The following SLAIN1 variants were observed in gnomAD, a reference collection of about 807,000 sequenced individuals.
The protein encoded by SLAIN1 is SLAIN motif-containing protein 1.
A neutral mutation model predicts 55.4 loss-of-function variants in SLAIN1; 17 were observed. The observed-to-expected ratio is 0.31, with a 90% CI of 0.21 to 0.46. The LOEUF (loss-of-function observed/expected upper bound fraction) is 0.46. Ranked by LOEUF, SLAIN1 falls within the 20% of genes least tolerant of loss-of-function variation. The probability of loss-of-function intolerance (pLI) is 1.00; values close to 1 mark genes in which losing one functional copy is unlikely to be tolerated. For synonymous variants in SLAIN1, 348 were observed against 337.4 expected (o/e 1.03, Z -0.35); for missense variants, 682 against 785.1 (o/e 0.87, Z 1.57).
intron 2 of SLAIN1, chr13:77,743,004 C>G (rs1345084320): frequency 2.0e-5 from 26 of 1,278,376 alleles, no homozygotes; most frequent in Non-Finnish European, 2.7e-5. Flanking sequence ...CTATTTTCTG[C>G]TTCTGTGACA....
At chr13:77,748,476 C>T (rs1873994458) in intron 4 of SLAIN1, among the ~76,000 whole-genome samples, 2 of 134,098 alleles carry the variant, frequency 1.5e-5, no homozygotes, top group Admixed American at 1.7e-4. Flanking sequence ...GATGCTAGCT[C>T]TGCATCTTGA....
Position 77,753,468 on chromosome 13 carries a change from A to G in SLAIN1, c.1414+110A>G, listed in dbSNP as rs573920568. On this transcript the variant is annotated intron_variant, in intron 5 of 6. Transcript: ENST00000418532. ...TATTTCTTTGTATTTACTTGAAAGAACACTAAACTTTTTTCCTTGCCGTGT... is the reference window on the plus strand; with the variant it reads ...TATTTCTTTGTATTTACTTGAAAGAGCACTAAACTTTTTTCCTTGCCGTGT... 1.2e-5 allele frequency: 7 copies of G among 605,308 alleles called. 1 individual carries two copies. In the South Asian group the frequency reaches 5.6e-4, roughly 48 times the overall value. 37.5% of individuals were successfully genotyped at this position (605,308 alleles called of 1,614,324 possible).
chr13:77,722,751 A>T (rs1313871389), intron 2 of SLAIN1, among the ~76,000 whole-genome samples: 1 of 151,974 alleles, frequency 6.6e-6, no homozygotes, highest in African/African-American at 2.4e-5. Flanking sequence ...TTTTCCATCT[A>T]ACTTTTTTGT....
At chr13:77,708,004 A>G (rs2091107406) in intron 1 of SLAIN1, among the ~76,000 whole-genome samples, 1 of 152,200 alleles carries the variant, frequency 6.6e-6, no homozygotes, top group Non-Finnish European at 1.5e-5. Flanking sequence ...TTTTAGTGCC[A>G]TGATCATCCC....
intron 1 of SLAIN1, among the ~76,000 whole-genome samples, chr13:77,705,886 C>A (rs2091084522): frequency 6.6e-6 from 1 of 151,950 alleles, no homozygotes; most frequent in African/African-American, 2.4e-5. Context: ...TAGGCCAAGT[C>A]ATAGAAACAC....
chr13:77,701,519 T>TA (rs557274740), intron 1 of SLAIN1, among the ~76,000 whole-genome samples: 17 of 151,818 alleles, frequency 1.1e-4, no homozygotes, highest in African/African-American at 2.2e-4. Flanking sequence ...AGTAGTATCT[T>TA]AAAAAAAACA....
intron 3 of SLAIN1, among the ~76,000 whole-genome samples, chr13:77,746,109 C>G (rs1230409429): frequency 6.6e-6 from 1 of 152,098 alleles, no homozygotes; most frequent in African/African-American, 2.4e-5. Flanking sequence ...AGCAGAATGA[C>G]TTCCTACTTG....
chr13:77,719,793 T>C (rs749100034), intron 2 of SLAIN1, 122 bp downstream of exon 2: 11 of 1,050,684 alleles, frequency 1.0e-5, no homozygotes, highest in Non-Finnish European at 1.4e-5. Context: ...AGCTGTTGCA[T>C]GCAATTTGCT....
At chr13:77,753,559 T>C (rs1318028720) in intron 5 of SLAIN1, among the ~76,000 whole-genome samples, 1 of 152,144 alleles carries the variant, frequency 6.6e-6, no homozygotes, top group Non-Finnish European at 1.5e-5. Flanking sequence ...GTATATTTAC[T>C]ATTCAACTTA....
rs1311628772 is a variant in SLAIN1 at position 77,744,377 on chromosome 13, A to T, written c.861A>T (p.Gly287=). The T allele has an allele frequency of 1.2e-6, 2 of 1,612,860 alleles. No homozygotes were observed. The highest frequency in any genetic ancestry group is 2.2e-5 in the South Asian group (2 of 91,062). ...SELEDDSISM[G]YKLQDLTDVQ... ...TGGAGGATGATTCTATCTCCATGGG[A>T]TATAAATTACAGGACCTCACTGATG... The change falls in exon 3 of 7, where the codon GGA becomes GGT. Residue 287 remains glycine, a synonymous_variant. Coordinates refer to ENST00000418532, the MANE Select transcript of SLAIN1 (RefSeq NM_001242868.2).
intron 1 of SLAIN1, among the ~76,000 whole-genome samples, chr13:77,716,260 C>A (rs2091206094): frequency 6.6e-6 from 1 of 151,324 alleles, no homozygotes; most frequent in African/African-American, 2.4e-5. Context: ...TTCCACTGAT[C>A]CGTTTATTTT....
At chr13:77,699,560 T>C (rs2091010926) in intron 1 of SLAIN1, among the ~76,000 whole-genome samples, 1 of 152,210 alleles carries the variant, frequency 6.6e-6, no homozygotes, top group African/African-American at 2.4e-5. Context: ...GTTGCATGAT[T>C]GCATGGAAGG....
chr13:77,698,755 C>G lies in SLAIN1; in HGVS notation c.626+216C>G. The G allele has an allele frequency of 8.8e-7, 1 of 1,134,702 alleles. No homozygotes were observed. The highest frequency in any genetic ancestry group is 1.2e-6 in the Non-Finnish European group (1 of 838,100). The allele number at this position is 1,134,702 out of a possible 1,614,324, so 70.3% of individuals were successfully genotyped here. A position where few individuals can be genotyped will look rare whatever the true frequency, so the allele number is the denominator to read the frequency against. On this transcript the variant is annotated intron_variant, in intron 1 of 6. Coordinates refer to ENST00000418532, the MANE Select transcript of SLAIN1 (RefSeq NM_001242868.2). This position sits in a 1 kb window ranked among gnomAD's most constrained non-coding sequence, Gnocchi z 4.1. ...GCAGAAACCTGTTTTCTAATCGCTC[C>G]GACTGCGGATGAACCGGCCCCCCCT...
intron 2 of SLAIN1, chr13:77,742,779 T>G (rs1873531692): frequency 6.4e-6 from 1 of 157,044 alleles, no homozygotes; most frequent in Middle Eastern, 3.0e-3. Context: ...CATGTTGGCT[T>G]TAATCAAAGT....
chr13:77,708,484 G>A (rs538488868), intron 1 of SLAIN1, among the ~76,000 whole-genome samples: 1 of 152,274 alleles, frequency 6.6e-6, no homozygotes, highest in South Asian at 2.1e-4. Flanking sequence ...CTCCAGCAGG[G>A]GTTGACAGAC....
rs77349833 is a variant in SLAIN1, at chr13:77,753,250, A to G, written c.1306A>G (p.Thr436Ala). 1.2e-6 allele frequency: 2 copies of G among 1,613,040 alleles called. No individual in the cohort carries two copies. Among genetic ancestry groups the G allele is most frequent in the Non-Finnish European group, 1.7e-6 (2 of 1,179,558 alleles). The change falls in exon 5 of 7, where the codon ACT becomes GCT. Residue 436 changes from threonine (T) to alanine (A), a missense_variant. This residue lies in a region of SLAIN1 where 244 missense variants were observed against 295.2 expected (regional missense o/e 0.83). Transcript: ENST00000418532. ...MPNLARMPST[T>A]AISSNISSPV... ...TAACCTAGCCCGGATGCCAAGTACA[A>G]CTGCCATTAGTAGCAACATTAGTTC...
rs972953758 is a variant in SLAIN1 at position 77,746,749 on chromosome 13, G to C, written c.1152G>C (p.Arg384Ser). The C allele has an allele frequency of 6.2e-7, 1 of 1,613,848 alleles. No individual in the cohort carries two copies. Among genetic ancestry groups the C allele is most frequent in the East Asian group, 2.2e-5 (1 of 44,858 alleles). The change falls in exon 4 of 7, where the codon AGG (arginine) becomes AGC (serine). Residue 384 changes from arginine (R) to serine (S), a missense_variant. Arg to Ser is a moderately radical substitution (Grantham distance 110). Coordinates refer to ENST00000418532, the MANE Select transcript of SLAIN1 (RefSeq NM_001242868.2). Reference sequence around the variant, plus strand: ...CTTTCTCCAGCATTCGGGAGTGTAGGAGGAGCCCCAGTTCCCAGTATTTTC... The same window carrying C: ...CTTTCTCCAGCATTCGGGAGTGTAGCAGGAGCCCCAGTTCCCAGTATTTTC... ...SQTFSSIREC[R>S]RSPSSQYFPS... is the part of the protein sequence containing the mutation.
chr13:77,760,201 T>C (rs2154411052), intron 5 of SLAIN1, among the ~76,000 whole-genome samples: 1 of 152,312 alleles, frequency 6.6e-6, no homozygotes, highest in South Asian at 2.1e-4. Context: ...ACCAGTTTGT[T>C]ACTTTTAATG....
chr13:77,758,577 T>C (rs1322765124), intron 5 of SLAIN1, among the ~76,000 whole-genome samples: 1 of 152,334 alleles, frequency 6.6e-6, no homozygotes, highest in East Asian at 1.9e-4. Flanking sequence ...TTTAAGTCTT[T>C]GATCCATTTT....
Sources: gnomAD v4.1 joint callset for allele counts (sites outside exome capture counted in the v4.1 genomes callset) on GRCh38, gnomAD v4.1.1 for gene constraint, gnomAD v4.1.1 regional missense constraint, Gnocchi (gnomAD v3.1) non-coding constraint, MANE v1.5 for transcripts, NCBI Gene and HGNC (gene_info 2026-07-23, HGNC 2026-07-21) for gene names.